EPHA6: variants seen among roughly 807,000 people sequenced by gnomAD.
EPHA6 encodes the protein EPH receptor A6.
Under a neutral mutation model 112.0 loss-of-function variants are expected in EPHA6, and 50 were observed. That is an observed-to-expected ratio of 0.45 (90% CI 0.36 to 0.56). The LOEUF is 0.56. Among genes scored for constraint, EPHA6 ranks in the 20% least tolerant of loss-of-function variants. The probability of loss-of-function intolerance (pLI) is 0.00; values close to 1 mark genes in which losing one functional copy is unlikely to be tolerated. For missense variants in EPHA6, 1,280 were observed against 1,417.4 expected (o/e 0.90, Z 1.56); for synonymous variants, 529 against 490.7 (o/e 1.08, Z -1.03).
At chr3:97,263,549 A>G (rs1049805716) in intron 5 of EPHA6, among the ~76,000 whole-genome samples, 3 of 151,572 alleles carry the variant, frequency 2.0e-5, no homozygotes, top group Non-Finnish European at 2.9e-5. Flanking sequence ...TAATAAAAAT[A>G]TATAATAATA....
intron 2 of EPHA6, among the ~76,000 whole-genome samples, chr3:96,960,738 T>G (rs974044953): frequency 2.6e-5 from 4 of 152,204 alleles, no homozygotes; most frequent in Non-Finnish European, 4.4e-5. Context: ...TCATCAAAAC[T>G]TTATACAGGT....
chr3:97,003,529 A>T (rs778417092), intron 3 of EPHA6, among the ~76,000 whole-genome samples: 2 of 152,208 alleles, frequency 1.3e-5, no homozygotes, highest in African/African-American at 2.4e-5. Context: ...TTGCTTTAAA[A>T]TGAAGCCTAA....
intron 14 of EPHA6, chr3:97,648,717 C>T (rs184491503): frequency 9.0e-5 from 77 of 860,106 alleles, no homozygotes; most frequent in East Asian, 2.9e-4. Context: ...AAGTTTGCAG[C>T]GAGAAAAAAG....
At chr3:97,409,855 T>C (rs1313320464) in intron 6 of EPHA6, among the ~76,000 whole-genome samples, 1 of 152,108 alleles carries the variant, frequency 6.6e-6, no homozygotes, top group Non-Finnish European at 1.5e-5. Context: ...ATGAAAAAGG[T>C]AGCATTTCTT....
intron 5 of EPHA6, among the ~76,000 whole-genome samples, chr3:97,384,032 G>A (rs529793987): frequency 6.6e-6 from 1 of 152,250 alleles, no homozygotes; most frequent in East Asian, 1.9e-4. Context: ...ATTTCAGTAT[G>A]TAGAATATGT....
intron 1 of EPHA6, among the ~76,000 whole-genome samples, chr3:96,863,510 T>G (rs993927629): frequency 3.3e-5 from 5 of 152,002 alleles, no homozygotes; most frequent in Admixed American, 2.0e-4. Context: ...TGGAATCTTA[T>G]TTTTTTAAAG....
chr3:96,915,876 GA>G (rs1376145043), intron 2 of EPHA6, among the ~76,000 whole-genome samples: 1 of 151,920 alleles, frequency 6.6e-6, no homozygotes, highest in Non-Finnish European at 1.5e-5. Context: ...TTATACATGA[GA>G]AAAAAACATC....
chr3:97,699,789 C>A (rs2033265887), intron 14 of EPHA6, among the ~76,000 whole-genome samples: 1 of 152,178 alleles, frequency 6.6e-6, no homozygotes, highest in South Asian at 2.1e-4. Flanking sequence ...CCACTACTTC[C>A]CTTATGCCAC....
At chr3:97,426,989 G>A (rs979308166) in intron 6 of EPHA6, among the ~76,000 whole-genome samples, 3 of 152,246 alleles carry the variant, frequency 2.0e-5, no homozygotes, top group Non-Finnish European at 4.4e-5. Context: ...GCCAAAATGA[G>A]ATACTATCTC....
At position 97,328,052 on chromosome 3, in the gene EPHA6, C is replaced by CAT. The variant is rs1490094035; in HGVS notation, c.1607-77097_1607-77096insTA. 4.2e-4 allele frequency among the ~76,000 whole-genome samples: 24 copies of CAT among 56,996 alleles called. 1 individual carries two copies. Among genetic ancestry groups the CAT allele is most frequent in the South Asian group, 9.5e-4 (2 of 2,104 alleles). The allele number at this position is 56,996 out of a possible 152,430, so 37.4% of individuals were successfully genotyped here. A position where few individuals can be genotyped will look rare whatever the true frequency, so the allele number is the denominator to read the frequency against. On this transcript the variant is annotated intron_variant, in intron 5 of 17. Transcript: ENST00000389672. The stretch of plus-strand genomic sequence containing the variant: ...ATGTGTATATATACACACATATATA[C>CAT]ACATATATATATATATATATATATA...
intron 13 of EPHA6, among the ~76,000 whole-genome samples, chr3:97,632,144 G>GA (rs567231011): frequency 3.5e-4 from 53 of 152,092 alleles, no homozygotes; most frequent in African/African-American, 1.2e-3. Flanking sequence ...TCTTTGCAGA[G>GA]AATCTCCTAT....
chr3:97,331,980 C>T (rs1471442731), intron 5 of EPHA6, among the ~76,000 whole-genome samples: 3 of 152,100 alleles, frequency 2.0e-5, no homozygotes, highest in Non-Finnish European at 4.4e-5. Flanking sequence ...ACCAATATCC[C>T]TGATGAACAT....
chr3:97,219,130 G>C (rs935972382), intron 3 of EPHA6, among the ~76,000 whole-genome samples: 1 of 152,106 alleles, frequency 6.6e-6, no homozygotes, highest in African/African-American at 2.4e-5. Flanking sequence ...TCCACTCCTG[G>C]CTGCTTTTAT....
chr3:96,972,453 ACACACACACG>A (rs907500730), intron 2 of EPHA6, among the ~76,000 whole-genome samples: 3 of 148,088 alleles, frequency 2.0e-5, no homozygotes, highest in African/African-American at 7.4e-5. Context: ...ACACACACAC[ACACACACACG>A]TATTTAGGAA....
chr3:97,094,536 G>A (rs907973966), intron 3 of EPHA6, among the ~76,000 whole-genome samples: 1 of 152,068 alleles, frequency 6.6e-6, no homozygotes, highest in African/African-American at 2.4e-5. Flanking sequence ...TCAAATCAAA[G>A]TTTAGAAATA....
intron 2 of EPHA6, among the ~76,000 whole-genome samples, chr3:96,891,638 G>A (rs772955783): frequency 5.3e-5 from 8 of 152,122 alleles, no homozygotes; most frequent in Non-Finnish European, 8.8e-5. Context: ...GAACCCGGGA[G>A]GCGGAGGTTT....
intron 3 of EPHA6, among the ~76,000 whole-genome samples, chr3:97,100,199 C>T (rs1216380697): frequency 6.6e-6 from 1 of 150,672 alleles, no homozygotes; most frequent in East Asian, 1.9e-4. Context: ...ATAAGAAATG[C>T]AGTCACCTAG....
chr3:97,601,205 A>G (rs193184386), intron 12 of EPHA6, among the ~76,000 whole-genome samples: 2 of 152,302 alleles, frequency 1.3e-5, no homozygotes, highest in East Asian at 3.9e-4. Flanking sequence ...CTTTCAAAAG[A>G]TGCATTCAAA....
chr3:97,695,624 T>TCTGCCTCCCAGGTTCAAGAGATTCTC (rs2032984250), intron 14 of EPHA6, among the ~76,000 whole-genome samples: 1 of 152,224 alleles, frequency 6.6e-6, no homozygotes, highest in Non-Finnish European at 1.5e-5. Context: ...CACTGCAATT[T>TCTGCCTCCCAGGTTCAAGAGATTCTC]CTGCCTCCCA....
Sources: allele counts gnomAD v4.1 joint callset (sites outside exome capture counted in the v4.1 genomes callset), GRCh38; gene constraint gnomAD v4.1.1; transcripts MANE v1.5; gene names NCBI Gene and HGNC (gene_info 2026-07-23, HGNC 2026-07-21).